MANSC1: variants seen among roughly 807,000 people sequenced by gnomAD.
MANSC1 encodes the protein MANSC domain-containing protein 1.
Under a neutral mutation model 14.1 loss-of-function variants are expected in MANSC1, and 13 were observed. The observed-to-expected ratio is 0.92, with a 90% CI of 0.60 to 1.46. The LOEUF is 1.46. Ranked by LOEUF, MANSC1 falls within the 40% of genes most tolerant of loss-of-function variation. The pLI is 0.00. For missense variants in MANSC1, 486 were observed against 511.4 expected, an observed-to-expected ratio of 0.95 and a Z score of 0.48; for synonymous variants, 227 against 200.7, an observed-to-expected ratio of 1.13 and a Z score of -1.11.
chr12:12,347,687 AACAAGATACCACT>A (rs1252183380), intron 1 of MANSC1, among the ~76,000 whole-genome samples: 1 of 152,248 alleles, frequency 6.6e-6, no homozygotes, highest in Non-Finnish European at 1.5e-5. Flanking sequence ...TGCAAATTCA[AACAAGATACCACT>A]ACCCACCTAT....
intron 1 of MANSC1, among the ~76,000 whole-genome samples, chr12:12,349,055 A>T (rs1375399306): frequency 6.6e-6 from 1 of 152,236 alleles, no homozygotes; most frequent in Non-Finnish European, 1.5e-5. Context: ...GCAACAAGTC[A>T]TGTGATATAA....
intron 1 of MANSC1, among the ~76,000 whole-genome samples, chr12:12,345,239 G>A (rs1174430071): frequency 1.4e-5 from 2 of 147,264 alleles, no homozygotes; most frequent in African/African-American, 5.0e-5. Flanking sequence ...AGAATCACTT[G>A]AACCCGGGAA....
Position 12,329,843 on chromosome 12 carries a change from G to C in MANSC1, c.*184C>G, listed in dbSNP as rs1862756639. On this transcript the variant is annotated 3_prime_UTR_variant, in exon 4 of 4. Transcript: ENST00000535902. ...AGGTTGCGGTGAGAGCCGAGATCGT[G>C]CTACTGCACTCCAGCCTGGGCAACA... 1 of 575,862 alleles carries C rather than the reference G, an allele frequency of 1.7e-6. No homozygotes were observed. 35.7% of individuals were successfully genotyped at this position (575,862 alleles called of 1,614,324 possible).
rs1038717341 is a variant in MANSC1, at chr12:12,338,789, C to T, written c.224-229G>A. 3.6e-5 allele frequency: 20 copies of T among 555,332 alleles called. 1 individual carries two copies. The highest frequency in any genetic ancestry group is 5.8e-5 in the Non-Finnish European group (18 of 312,976). 34.4% of individuals were successfully genotyped at this position (555,332 alleles called of 1,614,324 possible). A position where few individuals can be genotyped will look rare whatever the true frequency, so the allele number is the denominator to read the frequency against. On this transcript the variant is annotated intron_variant, in intron 2 of 3. Coordinates refer to ENST00000535902, the MANE Select transcript of MANSC1 (RefSeq NM_018050.4). ...TTTTTTCACAAGGTGGCACCGAAGG[C>T]GAAGAAGGAAGCTCCTGTCCCTCCT...
Position 12,330,674 on chromosome 12 carries a change from G to A in MANSC1, c.649C>T (p.His217Tyr). ...GCACTCACATTTTCAGGCAGCAGAT[G>A]AGCTATTTCTTGATCAGAGGAAAAT... ...SQFSSDQEIA[H>Y]LLPENVSALP... Residue 217 changes from histidine to tyrosine, a missense_variant, in exon 4 of 4, where the codon CAT becomes TAT. His to Tyr is a moderately conservative substitution (Grantham distance 83). Transcript: ENST00000535902. 1 of 1,614,192 alleles carries A rather than the reference G, an allele frequency of 6.2e-7. No individual in the cohort carries two copies. The highest frequency in any genetic ancestry group is 8.5e-7 in the Non-Finnish European group (1 of 1,180,038).
At chr12:12,345,925 T>C (rs1350302572) in intron 1 of MANSC1, among the ~76,000 whole-genome samples, 1 of 152,214 alleles carries the variant, frequency 6.6e-6, no homozygotes, top group East Asian at 1.9e-4. Flanking sequence ...GAGGAGCTAA[T>C]AAATAGAGAG....
chr12:12,330,857 G>C lies in MANSC1; in HGVS notation c.466C>G (p.His156Asp). 6.2e-7 allele frequency: 1 copy of C among 1,614,076 alleles called. No individual in the cohort carries two copies. Among genetic ancestry groups the C allele is most frequent in the Non-Finnish European group, 8.5e-7 (1 of 1,179,930 alleles). The change falls in exon 4 of 4, where the codon CAT becomes GAT. Residue 156 changes from histidine to aspartate, a missense_variant. Physicochemically the swap from His to Asp is moderately conservative, Grantham distance 81. Transcript: ENST00000535902. ...GTGGGCTTTGAATAATCTGTGTGAT[G>C]ATGGGCTAGGGGAGTGACTGCTTGT... is the stretch of plus-strand genomic sequence containing the variant. ...FSQAVTPLAH[H>D]HTDYSKPTDI...
intron 1 of MANSC1, among the ~76,000 whole-genome samples, 154 bp downstream of exon 1, chr12:12,349,924 C>A (rs1050034114): frequency 1.3e-5 from 2 of 152,230 alleles, no homozygotes; most frequent in African/African-American, 4.8e-5. Flanking sequence ...ACTCAAGGAT[C>A]CTGGTCAGCC....
In MANSC1 at chr12:12,338,314, G is replaced by A. The variant is rs759588532; in HGVS notation, c.364+106C>T. The A allele has an allele frequency of 1.2e-5, 12 of 999,812 alleles. 1 individual carries two copies. Among genetic ancestry groups the A allele is most frequent in the African/African-American group, 1.7e-5 (1 of 59,612 alleles). 61.9% of individuals were successfully genotyped at this position (999,812 alleles called of 1,614,324 possible). On this transcript the variant is annotated intron_variant, in intron 3 of 3. Transcript: ENST00000535902. ...AGTCATGAGATTTTCTGATATGTCT[G>A]GTACCCCTTCTGGTAGTTTTATTTA...
chr12:12,331,004 C>A (rs762031994), intron 3 of MANSC1, 46 bp from the exon 4 acceptor site: 4 of 1,173,590 alleles, frequency 3.4e-6, no homozygotes, highest in African/African-American at 1.5e-5. Context: ...TAACTCCATG[C>A]TACGGTAGGT....
At chr12:12,335,036 A>G (rs2135990522) in intron 3 of MANSC1, among the ~76,000 whole-genome samples, 1 of 152,062 alleles carries the variant, frequency 6.6e-6, no homozygotes, top group East Asian at 1.9e-4. Context: ...CCCTAAAACT[A>G]CTCAAGTTTC....
At chr12:12,331,374 G>A (rs552082058) in intron 3 of MANSC1, among the ~76,000 whole-genome samples, 19 of 152,308 alleles carry the variant, frequency 1.2e-4, no homozygotes, top group African/African-American at 4.3e-4. Flanking sequence ...AAAGGTGGGA[G>A]GTGCACAGCA....
At chr12:12,333,835 C>A (rs1195308618) in intron 3 of MANSC1, among the ~76,000 whole-genome samples, 6 of 152,192 alleles carry the variant, frequency 3.9e-5, no homozygotes, top group Admixed American at 3.9e-4. Flanking sequence ...AATGACATGC[C>A]ATGAAGCTGC....
chr12:12,326,628 G>GT lies in MANSC1; in HGVS notation c.*3398dup, dbSNP rs5796488. Reference sequence around the variant, plus strand: ...GTTTTTTTTTTGTTGTTGTTGTTTTGTTTTTTTTTTTGAGATGGGCTCTCG... The same window carrying GT: ...GTTTTTTTTTTGTTGTTGTTGTTTTGTTTTTTTTTTTTGAGATGGGCTCTCG... On this transcript the variant is annotated 3_prime_UTR_variant, in exon 4 of 4. Coordinates refer to ENST00000535902, the MANE Select transcript of MANSC1 (RefSeq NM_018050.4). The GT allele has an allele frequency of 0.6, 85,676 of 142,208 alleles. 29,019 individuals are homozygous for GT. Among genetic ancestry groups the GT allele is most frequent in the Non-Finnish European group, 0.75 (49,844 of 66,158 alleles). The allele number at this position is 142,208 out of a possible 1,614,324, so 8.8% of individuals were successfully genotyped here.
Position 12,329,824 on chromosome 12 carries a change from C to T in MANSC1, c.*203G>A, listed in dbSNP as rs73277459. The stretch of plus-strand genomic sequence containing the variant: ...GCTTGAACCCAGGAGACGGAGGTTG[C>T]GGTGAGAGCCGAGATCGTGCTACTG... On this transcript the variant is annotated 3_prime_UTR_variant, in exon 4 of 4. Transcript: ENST00000535902. The T allele has an allele frequency of 2.0e-3, 1,071 of 523,592 alleles. 8 individuals are homozygous for T. The highest frequency in any genetic ancestry group is 0.018 in the African/African-American group (951 of 52,088). The allele number at this position is 523,592 out of a possible 1,614,324, so 32.4% of individuals were successfully genotyped here.
Position 12,328,029 on chromosome 12 carries a change from T to A in MANSC1, c.*1998A>T, listed in dbSNP as rs1044274703. Reference sequence around the variant, plus strand: ...TCACTGTATTAAGTTCGCATCTGAATTCCATTTTTATCTTTAAAAACTCTG... The same window carrying A: ...TCACTGTATTAAGTTCGCATCTGAAATCCATTTTTATCTTTAAAAACTCTG... On this transcript the variant is annotated 3_prime_UTR_variant, in exon 4 of 4. Transcript: ENST00000535902. 6.6e-6 allele frequency: 1 copy of A among 152,192 alleles called. No homozygotes were observed. Among genetic ancestry groups the A allele is most frequent in the Non-Finnish European group, 1.5e-5 (1 of 68,046 alleles). 9.4% of individuals were successfully genotyped at this position (152,192 alleles called of 1,614,324 possible).
intron 1 of MANSC1, among the ~76,000 whole-genome samples, chr12:12,344,896 G>T (rs1862985375): frequency 8.8e-6 from 1 of 113,454 alleles, no homozygotes. Context: ...GATCATGTGA[G>T]TTAATACTTA....
chr12:12,331,437 G>C (rs942958329), intron 3 of MANSC1, among the ~76,000 whole-genome samples: 4 of 152,174 alleles, frequency 2.6e-5, no homozygotes, highest in Non-Finnish European at 2.9e-5. Flanking sequence ...AGATGGAAAG[G>C]GTTCTCCGTC....
At chr12:12,340,379 C>T (rs915758576) in intron 2 of MANSC1, among the ~76,000 whole-genome samples, 4 of 152,218 alleles carry the variant, frequency 2.6e-5, no homozygotes, top group African/African-American at 9.7e-5. Flanking sequence ...TAGTTAGCCT[C>T]TGCAGGAGTT....
Sources: allele counts gnomAD v4.1 joint callset (sites outside exome capture counted in the v4.1 genomes callset), GRCh38; gene constraint gnomAD v4.1.1; transcripts MANE v1.5; gene names NCBI Gene and HGNC (gene_info 2026-07-23, HGNC 2026-07-21).